C12orf42: variants seen among roughly 807,000 people sequenced by gnomAD.
C12orf42 encodes the protein chromosome 12 open reading frame 42, also known as uncharacterized protein C12orf42.
Under a neutral mutation model 21.6 loss-of-function variants are expected in C12orf42, and 25 were observed. The ratio of observed to expected loss-of-function variants is 1.16; its 90% CI spans 0.84 to 1.62. The LOEUF is 1.62. Among genes scored for constraint, C12orf42 ranks in the 40% most tolerant of loss-of-function variants. The pLI is 0.00. For synonymous variants in C12orf42, 174 were observed against 175.0 expected (o/e 0.99, Z 0.05); for missense variants, 483 against 459.3 (o/e 1.05, Z -0.47).
At chr12:103,170,727 C>T in the C12orf42 span, among the ~76,000 whole-genome samples, 2 of 152,158 alleles carry the variant, frequency 1.3e-5, no homozygotes, top group Non-Finnish European at 2.9e-5. Flanking sequence ...ACTCCATTTA[C>T]ACCCAACGCA....
At chr12:103,418,371 A>T (rs951116675) in intron 2 of C12orf42, among the ~76,000 whole-genome samples, 2 of 152,214 alleles carry the variant, frequency 1.3e-5, no homozygotes, top group South Asian at 4.1e-4. Flanking sequence ...AGATAATCTG[A>T]TCTTCTTACG....
At chr12:103,085,872 T>C in the C12orf42 span, among the ~76,000 whole-genome samples, 1 of 152,308 alleles carries the variant, frequency 6.6e-6, no homozygotes, top group East Asian at 1.9e-4. Context: ...TTCAGCAGCC[T>C]AATTACAAAG....
chr12:103,146,472 C>T, the C12orf42 span, among the ~76,000 whole-genome samples: 1 of 133,964 alleles, frequency 7.5e-6, no homozygotes, highest in African/African-American at 2.8e-5. Context: ...AGAGTGAGAC[C>T]CTGTCTCAAA....
the C12orf42 span, among the ~76,000 whole-genome samples, chr12:103,544,017 C>T: frequency 1.3e-5 from 2 of 151,980 alleles, no homozygotes; most frequent in African/African-American, 4.8e-5. Flanking sequence ...CCTCAGCCTC[C>T]TGAGTAGCTG....
intron 2 of C12orf42, among the ~76,000 whole-genome samples, chr12:103,468,350 C>CT (rs981037290): frequency 2.0e-5 from 3 of 152,166 alleles, no homozygotes; most frequent in Non-Finnish European, 2.9e-5. Context: ...CAAATGTAAC[C>CT]TGTGCATGGT....
chr12:103,333,500 A>G (rs2041425190), intron 4 of C12orf42, among the ~76,000 whole-genome samples: 1 of 152,248 alleles, frequency 6.6e-6, no homozygotes, highest in Admixed American at 6.5e-5. Flanking sequence ...AAATAGTTAA[A>G]TTATATTAGA....
intron 2 of C12orf42, among the ~76,000 whole-genome samples, chr12:103,469,636 C>T (rs918884804): frequency 2.0e-5 from 3 of 152,152 alleles, no homozygotes; most frequent in Non-Finnish European, 2.9e-5. Context: ...CATCCTTATA[C>T]AGAAATCTTG....
At chr12:103,509,161 T>C in the C12orf42 span, among the ~76,000 whole-genome samples, 1 of 152,090 alleles carries the variant, frequency 6.6e-6, no homozygotes, top group African/African-American at 2.4e-5. Context: ...GCTTTATGAG[T>C]AGTCATCTTT....
chr12:103,529,069 GA>G, the C12orf42 span, among the ~76,000 whole-genome samples: 2 of 151,474 alleles, frequency 1.3e-5, no homozygotes, highest in Non-Finnish European at 2.9e-5. Flanking sequence ...AAACAACAAC[GA>G]AAAAAAACGC....
chr12:103,176,324 T>C, the C12orf42 span, among the ~76,000 whole-genome samples: 14 of 152,210 alleles, frequency 9.2e-5, no homozygotes. Flanking sequence ...ATTCTTTGAG[T>C]TACCACTTTC....
chr12:103,321,879 G>A (rs1453314595), intron 4 of C12orf42, among the ~76,000 whole-genome samples: 1 of 151,888 alleles, frequency 6.6e-6, no homozygotes, highest in East Asian at 1.9e-4. Context: ...GTGGGGGAAG[G>A]GGGGAGGGAT....
chr12:103,497,242 G>A (rs1955585977), upstream of C12orf42, among the ~76,000 whole-genome samples: 1 of 152,162 alleles, frequency 6.6e-6, no homozygotes, highest in South Asian at 2.1e-4. Context: ...GAAAAGGTTT[G>A]TATGTATAAA....
chr12:103,352,808 A>G (rs533743975), intron 4 of C12orf42, among the ~76,000 whole-genome samples: 11 of 152,288 alleles, frequency 7.2e-5, no homozygotes, highest in Admixed American at 5.9e-4. Flanking sequence ...ACTATGCCAT[A>G]GGATTTTTTA....
chr12:103,058,712 AC>A, the C12orf42 span, among the ~76,000 whole-genome samples: 512 of 152,346 alleles, frequency 3.4e-3, 1 homozygote, highest in African/African-American at 0.012. Context: ...AAACTGAGCA[AC>A]CTGCTCCTGA....
At chr12:103,421,445 G>C (rs552948012) in intron 2 of C12orf42, among the ~76,000 whole-genome samples, 1 of 152,058 alleles carries the variant, frequency 6.6e-6, no homozygotes, top group East Asian at 1.9e-4. Flanking sequence ...GTGGTGGTGT[G>C]TGCCTGTGGT....
the C12orf42 span, among the ~76,000 whole-genome samples, chr12:103,099,057 T>A: frequency 6.6e-6 from 1 of 152,210 alleles, no homozygotes; most frequent in African/African-American, 2.4e-5. Context: ...TCAATGACAA[T>A]GTAGATAATA....
At chr12:103,266,552 A>G (rs2035181636), downstream of C12orf42, among the ~76,000 whole-genome samples, 1 of 152,166 alleles carries the variant, frequency 6.6e-6, no homozygotes, top group South Asian at 2.1e-4. Context: ...AAAGAAAAGG[A>G]GTGTCAACTT....
At chr12:103,247,391 A>G (rs1188691213) in intron 10 of C12orf42, among the ~76,000 whole-genome samples, 1 of 152,008 alleles carries the variant, frequency 6.6e-6, no homozygotes, top group Non-Finnish European at 1.5e-5. Flanking sequence ...AAATTTGTCT[A>G]ACATTCTGTG....
the C12orf42 span, among the ~76,000 whole-genome samples, chr12:103,222,703 A>T: frequency 6.6e-6 from 1 of 152,090 alleles, no homozygotes; most frequent in South Asian, 2.1e-4. Context: ...ACAAATGTAA[A>T]TTTACATATT....
Sources: allele counts gnomAD v4.1 joint callset (sites outside exome capture counted in the v4.1 genomes callset), GRCh38; gene constraint gnomAD v4.1.1; transcripts MANE v1.5; gene names NCBI Gene and HGNC (gene_info 2026-07-23, HGNC 2026-07-21).